The following ANO3 variants were observed in gnomAD, a reference collection of about 807,000 sequenced individuals.
The protein encoded by ANO3 is anoctamin-3.
Under a neutral mutation model 144.8 loss-of-function variants are expected in ANO3, and 99 were observed. The ratio of observed to expected loss-of-function variants is 0.68; its 90% CI spans 0.58 to 0.81. The LOEUF (loss-of-function observed/expected upper bound fraction) is 0.81, where lower values mean the gene tolerates loss of function less well. ANO3 is among the 30% of genes least tolerant of loss of function. The probability of loss-of-function intolerance (pLI) is 0.00; values close to 1 mark genes in which losing one functional copy is unlikely to be tolerated. For missense variants in ANO3, 905 were observed against 1,202.2 expected, an observed-to-expected ratio of 0.75 and a Z score of 3.66; for synonymous variants, 414 against 392.6, an observed-to-expected ratio of 1.05 and a Z score of -0.64.
At chr11:26,296,354 T>G (rs966771956) in intron 1 of ANO3, among the ~76,000 whole-genome samples, 1 of 150,892 alleles carries the variant, frequency 6.6e-6, no homozygotes, top group African/African-American at 2.5e-5. Flanking sequence ...CGGCTTATCC[T>G]GGCCCCAGAT....
intron 1 of ANO3, among the ~76,000 whole-genome samples, chr11:26,194,454 G>GTGTA (rs1554920741): frequency 2.3e-4 from 34 of 147,432 alleles, no homozygotes; most frequent in African/African-American, 8.1e-4. Context: ...GTGTGTGTGT[G>GTGTA]TGTGTGTGTG....
chr11:26,396,203 G>T (rs1857009547), intron 1 of ANO3, among the ~76,000 whole-genome samples: 1 of 152,106 alleles, frequency 6.6e-6, no homozygotes, highest in South Asian at 2.1e-4. Flanking sequence ...CACAATCACT[G>T]GTCATTAGAG....
At chr11:26,597,322 T>TCTATTAGAG (rs1418345245) in intron 14 of ANO3, among the ~76,000 whole-genome samples, 1 of 152,038 alleles carries the variant, frequency 6.6e-6, no homozygotes, top group Admixed American at 6.5e-5. Flanking sequence ...GTGATATAGC[T>TCTATTAGAG]CTATTAGAAG....
rs377279372 is a variant in ANO3 at position 26,441,570 on chromosome 11, G to A, written c.47-348G>A. ...TTATATATTAGGTTTTATGTATTTT[G>A]CTATTTGAAAGCCTAAATCATAAGG... On this transcript the variant is annotated intron_variant, in intron 1 of 26. Coordinates refer to ENST00000256737, the MANE Select transcript of ANO3 (RefSeq NM_031418.4). Among the ~76,000 whole-genome samples, 71 of 152,206 alleles carry A rather than the reference G, an allele frequency of 4.7e-4. No individual in the cohort carries two copies. The East Asian group carries it at 6.4e-3, about 14-fold the overall frequency.
chr11:26,503,522 G>C (rs1486958912), intron 4 of ANO3, among the ~76,000 whole-genome samples: 2 of 152,082 alleles, frequency 1.3e-5, no homozygotes, highest in Admixed American at 6.5e-5. Flanking sequence ...CTGAGTTCTT[G>C]CTACGTAATT....
At chr11:26,435,404 C>T (rs1341963125) in intron 1 of ANO3, among the ~76,000 whole-genome samples, 2 of 152,100 alleles carry the variant, frequency 1.3e-5, no homozygotes, top group African/African-American at 2.4e-5. Flanking sequence ...TGGAGATGGT[C>T]TTGTGTAGAA....
intron 4 of ANO3, among the ~76,000 whole-genome samples, chr11:26,499,069 T>G (rs1373873706): frequency 1.3e-5 from 2 of 151,976 alleles, no homozygotes; most frequent in Non-Finnish European, 1.5e-5. Context: ...TTCAGCCTTC[T>G]GCTTTTTCAG....
chr11:26,627,854 T>TGTGCGC (rs1262119961), intron 18 of ANO3, among the ~76,000 whole-genome samples: 4 of 139,588 alleles, frequency 2.9e-5, no homozygotes, highest in Admixed American at 7.2e-5. Context: ...TGTGTGTGTG[T>TGTGCGC]GCGCCTGACA....
At chr11:26,378,771 G>A (rs1378856685) in intron 1 of ANO3, among the ~76,000 whole-genome samples, 2 of 151,982 alleles carry the variant, frequency 1.3e-5, no homozygotes, top group African/African-American at 4.8e-5. Context: ...TCTGTTAACT[G>A]TACCCAGAAG....
chr11:26,191,490 C>T (rs1564910960), intron 1 of ANO3, among the ~76,000 whole-genome samples: 2 of 152,056 alleles, frequency 1.3e-5, no homozygotes, highest in South Asian at 4.1e-4. Flanking sequence ...CATAACAAAC[C>T]TCCTGCCCAT....
intron 12 of ANO3, among the ~76,000 whole-genome samples, chr11:26,551,533 G>A (rs2134226171): frequency 6.6e-6 from 1 of 152,066 alleles, no homozygotes; most frequent in Non-Finnish European, 1.5e-5. Flanking sequence ...AATGATTCTA[G>A]CAGTAAAAAG....
intron 3 of ANO3, among the ~76,000 whole-genome samples, chr11:26,450,497 C>T (rs1196063045): frequency 6.6e-6 from 1 of 152,118 alleles, no homozygotes; most frequent in Non-Finnish European, 1.5e-5. Flanking sequence ...ACAGAGCAAG[C>T]CATGTATGGA....
At chr11:26,236,543 G>A (rs1317958951) in intron 1 of ANO3, among the ~76,000 whole-genome samples, 1 of 152,064 alleles carries the variant, frequency 6.6e-6, no homozygotes, top group Admixed American at 6.6e-5. Context: ...AATCGGCCGG[G>A]GGCCGCGGCT....
intron 8 of ANO3, among the ~76,000 whole-genome samples, chr11:26,533,827 A>T: frequency 6.6e-6 from 1 of 152,212 alleles, no homozygotes; most frequent in East Asian, 1.9e-4. Context: ...CACAATGGCG[A>T]TTTATCACTC....
chr11:26,636,988 G>T (rs1852982000), intron 20 of ANO3, among the ~76,000 whole-genome samples: 4 of 152,164 alleles, frequency 2.6e-5, no homozygotes, highest in Admixed American at 2.0e-4. Context: ...CTTGTCCAGG[G>T]TGATATGATT....
At chr11:26,189,293 T>C in exon 1 of ANO3, 1 of 985,396 alleles carries the variant, frequency 1.0e-6, no homozygotes, top group Non-Finnish European at 1.2e-6. Context: ...GTGATTCTAG[T>C]CAACTGGAAC....
intron 4 of ANO3, among the ~76,000 whole-genome samples, chr11:26,475,538 C>A (rs750624668): frequency 1.3e-5 from 2 of 151,924 alleles, no homozygotes; most frequent in Non-Finnish European, 2.9e-5. Flanking sequence ...ATTGCTTGAA[C>A]CATCTTGAGA....
intron 1 of ANO3, among the ~76,000 whole-genome samples, chr11:26,315,685 C>CTAT (rs1564961774): frequency 0.032 from 4,485 of 142,278 alleles, 166 homozygotes; most frequent in African/African-American, 0.094. Flanking sequence ...ATCTATCTAT[C>CTAT]CATCTATCTA....
chr11:26,485,689 A>G (rs980206133), intron 4 of ANO3, among the ~76,000 whole-genome samples: 2 of 152,156 alleles, frequency 1.3e-5, no homozygotes, highest in African/African-American at 4.8e-5. Flanking sequence ...TCCTTTGCCC[A>G]CTTTTTAAAT....
Sources: gnomAD v4.1 joint callset for allele counts (sites outside exome capture counted in the v4.1 genomes callset) on GRCh38, gnomAD v4.1.1 for gene constraint, MANE v1.5 for transcripts, NCBI Gene and HGNC (gene_info 2026-07-23, HGNC 2026-07-21) for gene names.